GRIK2: variants seen among roughly 807,000 people sequenced by gnomAD.
The protein encoded by GRIK2 is glutamate receptor ionotropic, kainate 2.
GRIK2 carries 32 observed loss-of-function variants against 100.3 expected under a neutral mutation model. The observed-to-expected ratio is 0.32, with a 90% CI of 0.24 to 0.43. The LOEUF is 0.43. Among genes scored for constraint, GRIK2 ranks in the 20% least tolerant of loss-of-function variants. The probability of loss-of-function intolerance (pLI) is 1.00; values close to 1 mark genes in which losing one functional copy is unlikely to be tolerated. For synonymous variants in GRIK2, 417 were observed against 389.4 expected (o/e 1.07, Z -0.83); for missense variants, 843 against 1,114.9 (o/e 0.76, Z 3.47).
chr6:102,064,721 A>C (rs1447489132), intron 16 of GRIK2, among the ~76,000 whole-genome samples: 1 of 151,212 alleles, frequency 6.6e-6, no homozygotes, highest in Non-Finnish European at 1.5e-5. Context: ...ATATTTCACA[A>C]AACTCTGTAT....
chr6:101,618,430 A>G (rs1264527576), intron 2 of GRIK2, among the ~76,000 whole-genome samples: 2 of 151,910 alleles, frequency 1.3e-5, no homozygotes, highest in Middle Eastern at 3.4e-3. Flanking sequence ...ATTTCTGAAC[A>G]TAGTATTTCT....
At chr6:102,066,050 A>G (rs1772002355) in intron 16 of GRIK2, 3 of 435,334 alleles carry the variant, frequency 6.9e-6, no homozygotes, top group Admixed American at 4.2e-5. Context: ...ATAATACATA[A>G]TGCATGGCAA....
At chr6:101,491,328 G>A (rs528020294) in intron 2 of GRIK2, among the ~76,000 whole-genome samples, 1 of 151,180 alleles carries the variant, frequency 6.6e-6, no homozygotes, top group East Asian at 1.9e-4. Context: ...ATTCATTTGG[G>A]ATTGAAATTT....
At chr6:101,911,484 T>C (rs1476184746) in intron 12 of GRIK2, among the ~76,000 whole-genome samples, 1 of 151,530 alleles carries the variant, frequency 6.6e-6, no homozygotes, top group Non-Finnish European at 1.5e-5. Context: ...GTTCAGAATG[T>C]TTTATTTTGG....
chr6:102,052,275 A>G (rs1771240309), intron 15 of GRIK2, among the ~76,000 whole-genome samples: 1 of 152,230 alleles, frequency 6.6e-6, no homozygotes, highest in Non-Finnish European at 1.5e-5. Context: ...TGGAAGGACA[A>G]GTAAAACATG....
At chr6:101,605,145 T>C (rs997021769) in intron 2 of GRIK2, among the ~76,000 whole-genome samples, 1 of 152,020 alleles carries the variant, frequency 6.6e-6, no homozygotes, top group Non-Finnish European at 1.5e-5. Flanking sequence ...GTGGCTGAAA[T>C]ACAAAGGAAA....
intron 2 of GRIK2, among the ~76,000 whole-genome samples, chr6:101,598,140 G>GCT (rs1039976325): frequency 1.3e-5 from 2 of 151,616 alleles, no homozygotes; most frequent in Non-Finnish European, 3.0e-5. Context: ...TTTGGATAAT[G>GCT]CTCTCTCTCT....
At chr6:101,440,708 C>T (rs987244473) in intron 2 of GRIK2, among the ~76,000 whole-genome samples, 2 of 151,952 alleles carry the variant, frequency 1.3e-5, no homozygotes, top group Non-Finnish European at 2.9e-5. Context: ...AACAGAGGGC[C>T]CTTCTCTGCC....
At chr6:101,717,030 T>C (rs1774123045) in intron 7 of GRIK2, among the ~76,000 whole-genome samples, 2 of 152,028 alleles carry the variant, frequency 1.3e-5, no homozygotes, top group South Asian at 4.1e-4. Context: ...TAAATTGATA[T>C]GCAAATGATC....
In GRIK2 at chr6:101,396,946, G is replaced by A. The variant is rs368026685; in HGVS notation, c.-293-2039G>A. Among the ~76,000 whole-genome samples the A allele has an allele frequency of 6.6e-5, 10 of 152,166 alleles. No individual in the cohort carries two copies. In the South Asian group the frequency reaches 1.0e-3, roughly 16 times the overall value. On this transcript the variant is annotated intron_variant, in intron 1 of 16. Transcript: ENST00000369134. Reference sequence around the variant, plus strand: ...ATCTTTTAACTGTTTAATTTATTGTGTAATAACTTCATGAATATAGAGGCT... The same window carrying A: ...ATCTTTTAACTGTTTAATTTATTGTATAATAACTTCATGAATATAGAGGCT...
chr6:101,903,228 C>T (rs547919088), intron 12 of GRIK2, among the ~76,000 whole-genome samples: 36 of 151,920 alleles, frequency 2.4e-4, no homozygotes, highest in Non-Finnish European at 4.7e-4. Flanking sequence ...GCAGAAATGG[C>T]TTTCTTTTAT....
intron 12 of GRIK2, among the ~76,000 whole-genome samples, chr6:101,907,733 TTTC>T (rs1582507314): frequency 6.6e-6 from 1 of 151,344 alleles, no homozygotes; most frequent in African/African-American, 2.4e-5. Flanking sequence ...TTTATCTTTT[TTTC>T]TTTCTTCTTT....
intron 4 of GRIK2, among the ~76,000 whole-genome samples, chr6:101,676,283 T>C (rs1770834839): frequency 6.6e-6 from 1 of 152,182 alleles, no homozygotes; most frequent in African/African-American, 2.4e-5. Flanking sequence ...AAGTTATTTA[T>C]ATTAACTTTT....
intron 14 of GRIK2, among the ~76,000 whole-genome samples, chr6:101,945,604 T>C (rs1791223595): frequency 6.6e-6 from 1 of 152,178 alleles, no homozygotes; most frequent in South Asian, 2.1e-4. Flanking sequence ...CTTAATTTAA[T>C]CAGTAAGCCA....
At chr6:101,979,793 T>G (rs1793606842) in intron 14 of GRIK2, among the ~76,000 whole-genome samples, 1 of 151,946 alleles carries the variant, frequency 6.6e-6, no homozygotes, top group Non-Finnish European at 1.5e-5. Context: ...TATTTTACCT[T>G]CTCTTTATTC....
At chr6:102,066,099 A>G (rs1199544813) in intron 16 of GRIK2, among the ~76,000 whole-genome samples, 1 of 151,496 alleles carries the variant, frequency 6.6e-6, no homozygotes, top group African/African-American at 2.4e-5. Flanking sequence ...AGTCACATTT[A>G]ATCATCACCC....
At chr6:101,686,852 T>C (rs993975241) in intron 7 of GRIK2, among the ~76,000 whole-genome samples, 3 of 152,086 alleles carry the variant, frequency 2.0e-5, no homozygotes, top group Admixed American at 6.6e-5. Context: ...CAAGTCCCAG[T>C]TTAAACCCAG....
chr6:101,999,376 A>G (rs1794815156), intron 14 of GRIK2, among the ~76,000 whole-genome samples: 1 of 152,068 alleles, frequency 6.6e-6, no homozygotes. Context: ...AACAGACTGT[A>G]TTTCATCATT....
chr6:101,471,004 T>A, intron 2 of GRIK2, among the ~76,000 whole-genome samples: 1 of 152,282 alleles, frequency 6.6e-6, no homozygotes, highest in Non-Finnish European at 1.5e-5. Flanking sequence ...TATTCTTACC[T>A]TTTGATATTC....
Sources: allele counts gnomAD v4.1 joint callset (sites outside exome capture counted in the v4.1 genomes callset), GRCh38; gene constraint gnomAD v4.1.1; transcripts MANE v1.5; gene names NCBI Gene and HGNC (gene_info 2026-07-23, HGNC 2026-07-21).